Variants in VPS26B observed in about 807,000 individuals in gnomAD.
The protein encoded by VPS26B is vacuolar protein sorting-associated protein 26B.
Under a neutral mutation model 33.3 loss-of-function variants are expected in VPS26B, and 10 were observed. That is an observed-to-expected ratio of 0.30 (90% CI 0.19 to 0.51). The LOEUF (loss-of-function observed/expected upper bound fraction) is 0.51. VPS26B is among the 20% of genes least tolerant of loss of function. The pLI, the probability that VPS26B is intolerant of heterozygous loss-of-function variation, is 0.98. For synonymous variants in VPS26B, 190 were observed against 176.9 expected (o/e 1.07, Z -0.59); for missense variants, 317 against 452.7 (o/e 0.70, Z 2.72).
intron 2 of VPS26B, among the ~76,000 whole-genome samples, chr11:134,237,693 G>C (rs958799432): frequency 2.0e-5 from 3 of 152,316 alleles, no homozygotes; most frequent in Admixed American, 6.5e-5. Context: ...ACCGCGGGAA[G>C]AGTGTTTCAA....
intron 2 of VPS26B, among the ~76,000 whole-genome samples, chr11:134,236,075 C>T (rs565326116): frequency 1.4e-3 from 206 of 152,180 alleles, no homozygotes; most frequent in African/African-American, 4.7e-3. Flanking sequence ...TGGTGGTTCA[C>T]GCCTGTGATC....
Position 134,246,759 on chromosome 11 carries a change from ACT to A in VPS26B, c.*1172_*1173del, listed in dbSNP as rs1023227410. On this transcript the variant is annotated 3_prime_UTR_variant, in exon 6 of 6. Transcript: ENST00000281187. ...GTGTTTAAAAAACACATATAAAAAA[ACT>A]CTTGTGAATATTCTTGTTATGCTAG... 2.0e-5 allele frequency: 3 copies of A among 150,398 alleles called. No homozygotes were observed. The highest frequency in any genetic ancestry group is 3.0e-5 in the Non-Finnish European group (2 of 67,572). The allele number at this position is 150,398 out of a possible 1,614,324, so 9.3% of individuals were successfully genotyped here. A position where few individuals can be genotyped will look rare whatever the true frequency, so the allele number is the denominator to read the frequency against.
rs1938786430 is a variant in VPS26B, at chr11:134,244,908, CCT to C, written c.722-29_722-28del. The C allele has an allele frequency of 1.9e-6, 3 of 1,606,222 alleles. No individual in the cohort carries two copies. Among genetic ancestry groups the C allele is most frequent in the Non-Finnish European group, 2.5e-6 (3 of 1,178,630 alleles). The stretch of plus-strand genomic sequence containing the variant: ...TAAGGGAGAGGGCATCACCTTGCCC[CCT>C]GTGCTGACTCCTGCCCTCCCCCTAC... On this transcript the variant is annotated intron_variant, in intron 4 of 5. Transcript: ENST00000281187. The surrounding 1 kb of genome is among the most constrained non-coding windows in gnomAD (Gnocchi z 4.0).
In VPS26B at chr11:134,244,331, CG is replaced by C. The variant is rs1305096772; in HGVS notation, c.722-605del. 1.3e-5 allele frequency: 2 copies of C among 152,174 alleles called. No homozygotes were observed. The highest frequency in any genetic ancestry group is 2.9e-5 in the Non-Finnish European group (2 of 68,066). 9.4% of individuals were successfully genotyped at this position (152,174 alleles called of 1,614,324 possible). A position where few individuals can be genotyped will look rare whatever the true frequency, so the allele number is the denominator to read the frequency against. ...AATTTTGTTCCACTGATACTAGAAA[CG>C]GTCTGATGTTAGAGCTGGAAGGGAT... On this transcript the variant is annotated intron_variant, in intron 4 of 5. Transcript: ENST00000281187. The surrounding 1 kb of genome is among the most constrained non-coding windows in gnomAD (Gnocchi z 4.0).
chr11:134,230,758 C>T (rs1336496764), intron 1 of VPS26B, among the ~76,000 whole-genome samples: 1 of 152,212 alleles, frequency 6.6e-6, no homozygotes, highest in Non-Finnish European at 1.5e-5. Context: ...GCAGTTTGAA[C>T]GTTGCCTCCT....
chr11:134,230,028 T>G (rs1938535550), intron 1 of VPS26B, among the ~76,000 whole-genome samples: 1 of 152,240 alleles, frequency 6.6e-6, no homozygotes, highest in South Asian at 2.1e-4. Flanking sequence ...ACCCAAGCTC[T>G]TACTCCTTCA....
In VPS26B at chr11:134,234,974, C is replaced by T; in HGVS notation, c.301C>T (p.Gln101Ter). 6.2e-7 allele frequency: 1 copy of T among 1,614,166 alleles called. No individual in the cohort carries two copies. The highest frequency in any genetic ancestry group is 8.5e-7 in the Non-Finnish European group (1 of 1,180,034). ...CCTGGCCCGGCCTGGAGAGATCACC[C>T]AGTCGCAGGCCTTCGACTTTGAGTT... is the stretch of plus-strand genomic sequence containing the variant. ...KDLARPGEITQSQAFDFEFTH... is the reference protein window; with the variant it reads ...KDLARPGEIT Residue 101 changes from glutamine (Q) to a stop codon, truncating the protein, a stop_gained, in exon 2 of 6, where the codon CAG (glutamine) becomes TAG (stop). Coordinates refer to ENST00000281187, the MANE Select transcript of VPS26B (RefSeq NM_052875.5). LOFTEE classifies it high-confidence loss of function.
At chr11:134,237,654 G>C (rs890090563) in intron 2 of VPS26B, among the ~76,000 whole-genome samples, 2 of 152,146 alleles carry the variant, frequency 1.3e-5, no homozygotes, top group Admixed American at 6.5e-5. Context: ...GGAGGAGAGG[G>C]GGGTGAATCA....
chr11:134,235,234 T>G, intron 2 of VPS26B, 181 bp downstream of exon 2: 1 of 679,080 alleles, frequency 1.5e-6, no homozygotes. Context: ...GGCCCTAGGT[T>G]GTAGCATGTG....
intron 1 of VPS26B, among the ~76,000 whole-genome samples, chr11:134,232,256 T>C (rs920775417): frequency 6.7e-6 from 1 of 149,890 alleles, no homozygotes; most frequent in African/African-American, 2.4e-5. Flanking sequence ...TTACAATCTC[T>C]TTAGGGCCCA....
chr11:134,245,108 A>C lies in VPS26B; in HGVS notation c.864+28A>C, dbSNP rs977746253. 1.9e-6 allele frequency: 3 copies of C among 1,612,460 alleles called. No individual in the cohort carries two copies. The highest frequency in any genetic ancestry group is 2.5e-6 in the Non-Finnish European group (3 of 1,179,512). On this transcript the variant is annotated intron_variant, in intron 5 of 5. Coordinates refer to ENST00000281187, the MANE Select transcript of VPS26B (RefSeq NM_052875.5). The surrounding 1 kb of genome is among the most constrained non-coding windows in gnomAD (Gnocchi z 4.7). ...GAGGGCCAGGCTCCTCCAGGCCCCG[A>C]TGCCCTTGGGACAGAACAGGAGGCT...
rs1938785669 is a variant in VPS26B, at chr11:134,244,816, C to T, written c.722-122C>T. ...GGGCAGCAGAGCGACTGCACCTTCC[C>T]AGAAGGCTGAAGTGCTCGTGTGCTG... On this transcript the variant is annotated intron_variant, in intron 4 of 5. Coordinates refer to ENST00000281187, the MANE Select transcript of VPS26B (RefSeq NM_052875.5). The surrounding 1 kb of genome is among the most constrained non-coding windows in gnomAD (Gnocchi z 4.0). 1 of 1,370,710 alleles carries T rather than the reference C, an allele frequency of 7.3e-7. No individual in the cohort carries two copies. Among genetic ancestry groups the T allele is most frequent in the African/African-American group, 1.5e-5 (1 of 68,872 alleles). The allele number at this position is 1,370,710 out of a possible 1,614,324, so 84.9% of individuals were successfully genotyped here. A position where few individuals can be genotyped will look rare whatever the true frequency, so the allele number is the denominator to read the frequency against.
At chr11:134,227,075 T>C (rs531369985) in intron 1 of VPS26B, among the ~76,000 whole-genome samples, 7 of 152,312 alleles carry the variant, frequency 4.6e-5, no homozygotes, top group African/African-American at 1.2e-4. Flanking sequence ...TCGTTTGGCA[T>C]GTTGTCATGG....
chr11:134,231,941 C>T (rs930921088), intron 1 of VPS26B, among the ~76,000 whole-genome samples: 2 of 152,230 alleles, frequency 1.3e-5, no homozygotes, highest in Non-Finnish European at 2.9e-5. Context: ...TGGCCTTAGC[C>T]AAGCAGCAAA....
chr11:134,226,780 G>C (rs1393531434), intron 1 of VPS26B, among the ~76,000 whole-genome samples: 1 of 152,182 alleles, frequency 6.6e-6, no homozygotes, highest in African/African-American at 2.4e-5. Context: ...GGAGACACAG[G>C]TAGGAGAAAC....
chr11:134,239,926 T>A (rs1290279888), intron 2 of VPS26B, 65 bp from the exon 3 acceptor site: 1 of 1,599,022 alleles, frequency 6.3e-7, no homozygotes, highest in Non-Finnish European at 8.5e-7. Context: ...GCCAATTTGG[T>A]ACCTATATCT....
chr11:134,232,972 G>A (rs774903158), intron 1 of VPS26B, among the ~76,000 whole-genome samples: 7 of 152,070 alleles, frequency 4.6e-5, no homozygotes, highest in African/African-American at 7.2e-5. Context: ...GACTTTTATT[G>A]GGGGGGCACA....
rs1938426844 is a variant in VPS26B at position 134,225,240 on chromosome 11, T to C, written c.118T>C (p.Phe40Leu). 4 of 1,614,116 alleles carry C rather than the reference T, an allele frequency of 2.5e-6. No individual in the cohort carries two copies. Among genetic ancestry groups the C allele is most frequent in the Non-Finnish European group, 3.4e-6 (4 of 1,179,974 alleles). ...CGGGAAGAAGGAGAAATATTTCCTC[T>C]TCTACGACGGGGAGACGGTCTCCGG... Reference protein sequence around the residue: ...EDGKKEKYFLFYDGETVSGKV... With the variant: ...EDGKKEKYFLLYDGETVSGKV... Residue 40 changes from phenylalanine (F) to leucine (L), a missense_variant, in exon 1 of 6, where the codon TTC becomes CTC. By Grantham distance (22) the Phe-to-Leu change is conservative. Transcript: ENST00000281187.
At chr11:134,237,828 G>A (rs926685988) in intron 2 of VPS26B, among the ~76,000 whole-genome samples, 4 of 152,224 alleles carry the variant, frequency 2.6e-5, no homozygotes, top group Admixed American at 2.6e-4. Context: ...AAGGGGTTGG[G>A]AGGAGTGGTT....
Sources: gnomAD v4.1 joint callset for allele counts (sites outside exome capture counted in the v4.1 genomes callset) on GRCh38, gnomAD v4.1.1 for gene constraint, Gnocchi (gnomAD v3.1) non-coding constraint, MANE v1.5 for transcripts, NCBI Gene and HGNC (gene_info 2026-07-23, HGNC 2026-07-21) for gene names.